PLA2G6: variants seen among roughly 807,000 people sequenced by gnomAD.
PLA2G6 encodes the protein 85/88 kDa calcium-independent phospholipase A2.
Under a neutral mutation model 83.8 loss-of-function variants are expected in PLA2G6, and 62 were observed. The observed-to-expected ratio is 0.74, with a 90% CI of 0.60 to 0.91. The LOEUF (loss-of-function observed/expected upper bound fraction) is 0.91. PLA2G6 is among the 40% of genes least tolerant of loss of function. PLA2G6 has a pLI of 0.00. For synonymous variants in PLA2G6, 417 were observed against 449.8 expected, an observed-to-expected ratio of 0.93 and a Z score of 0.92; for missense variants, 944 against 1,102.0, an observed-to-expected ratio of 0.86 and a Z score of 2.03.
intron 12 of PLA2G6, among the ~76,000 whole-genome samples, chr22:38,117,479 G>A (rs534307529): frequency 6.6e-6 from 1 of 152,242 alleles, no homozygotes; most frequent in Non-Finnish European, 1.5e-5. Flanking sequence ...ACAAGCGTGA[G>A]CCACTGCGCC....
chr22:38,178,742 T>G (rs2090732516), intron 1 of PLA2G6, among the ~76,000 whole-genome samples: 1 of 152,064 alleles, frequency 6.6e-6, no homozygotes, highest in Admixed American at 6.5e-5. Context: ...GGCGTGCACC[T>G]GTAATTCCAG....
chr22:38,112,618 C>G lies in PLA2G6; in HGVS notation c.2203-41G>C, dbSNP rs11570763. ...CTTGGTGAGTGCCGGGCCCACACCCCGCCCGGCCCGCACCCCGCCCGGCCC... is the reference window on the plus strand; with the variant it reads ...CTTGGTGAGTGCCGGGCCCACACCCGGCCCGGCCCGCACCCCGCCCGGCCC... On this transcript the variant is annotated intron_variant, in intron 15 of 16. Transcript: ENST00000332509. 4,224 of 1,489,518 alleles carry G rather than the reference C, an allele frequency of 2.8e-3. 105 individuals are homozygous for G. The African/African-American group carries it at 0.051, about 18-fold the overall frequency. 92.3% of individuals were successfully genotyped at this position (1,489,518 alleles called of 1,614,324 possible).
rs564193370 is a variant in PLA2G6, at chr22:38,162,267, T to C, written c.209+6951A>G. Among the ~76,000 whole-genome samples, 121 of 146,774 alleles carry C rather than the reference T, an allele frequency of 8.2e-4. 4 individuals carry two copies. The highest frequency in any genetic ancestry group is 7.5e-5 in the Non-Finnish European group (5 of 66,904). On this transcript the variant is annotated intron_variant, in intron 2 of 16. Transcript: ENST00000332509. ...AGTGAGAGCAGTCAGCAAAAAGGTA[T>C]GTTCCCCTAGCCATGGTGGAGAACT...
At chr22:38,162,679 G>C (rs868360263) in intron 2 of PLA2G6, among the ~76,000 whole-genome samples, 4 of 152,160 alleles carry the variant, frequency 2.6e-5, no homozygotes, top group Admixed American at 2.0e-4. Flanking sequence ...TTGAGGATGT[G>C]GGGGAGCACC....
At chr22:38,148,649 C>A in intron 2 of PLA2G6, 1 of 685,508 alleles carries the variant, frequency 1.5e-6, no homozygotes. Context: ...CCCTGATGAA[C>A]ATCTCTTACT....
In PLA2G6 at chr22:38,175,575, A is replaced by T. The variant is rs542283447; in HGVS notation, c.-46+6089T>A. ...TCCATCAGCGTAGCCCATCCTCCCCACTTTCTTAACCTGAATGTGTGCTCC... is the reference window on the plus strand; with the variant it reads ...TCCATCAGCGTAGCCCATCCTCCCCTCTTTCTTAACCTGAATGTGTGCTCC... On this transcript the variant is annotated intron_variant, in intron 1 of 16. Coordinates refer to ENST00000332509, the MANE Select transcript of PLA2G6 (RefSeq NM_003560.4). 5.9e-5 allele frequency among the ~76,000 whole-genome samples: 9 copies of T among 152,152 alleles called. 1 individual carries two copies. The South Asian group carries it at 1.9e-3, about 32-fold the overall frequency.
chr22:38,158,019 G>C (rs1602230167), intron 2 of PLA2G6, among the ~76,000 whole-genome samples: 1 of 151,732 alleles, frequency 6.6e-6, no homozygotes, highest in South Asian at 2.1e-4. Flanking sequence ...CTGGGCAACA[G>C]AGCGACACCC....
intron 1 of PLA2G6, among the ~76,000 whole-genome samples, chr22:38,171,094 C>G (rs1004342410): frequency 6.6e-6 from 1 of 151,438 alleles, no homozygotes; most frequent in Non-Finnish European, 1.5e-5. Flanking sequence ...ATCGCTTGAA[C>G]CTGGGAGGCG....
Position 38,132,871 on chromosome 22 carries a change from C to A in PLA2G6, c.1037G>T (p.Arg346Leu). ...LLTHGANADA[R>L]GEHGNTPLHL... ...CAGCGGGGTGTTGCCGTGCTCTCCGCGGGCATCCGCGTTGGCCCCGTGGGT... is the reference window on the plus strand; with the variant it reads ...CAGCGGGGTGTTGCCGTGCTCTCCGAGGGCATCCGCGTTGGCCCCGTGGGT... Residue 346 changes from arginine to leucine, a missense_variant, in exon 7 of 17, where the codon CGC (arginine) becomes CTC (leucine). Coordinates refer to ENST00000332509, the MANE Select transcript of PLA2G6 (RefSeq NM_003560.4). The surrounding 1 kb of genome is among the most constrained non-coding windows in gnomAD (Gnocchi z 5.0). 6.4e-7 allele frequency: 1 copy of A among 1,552,734 alleles called. No homozygotes were observed. Among genetic ancestry groups the A allele is most frequent in the Non-Finnish European group, 8.7e-7 (1 of 1,149,302 alleles).
chr22:38,133,170 G>C, intron 6 of PLA2G6, 157 bp from the exon 7 acceptor site: 3 of 711,468 alleles, frequency 4.2e-6, no homozygotes, highest in South Asian at 3.4e-5. Context: ...CCCAGTTCTA[G>C]GGGGGCCTAG....
chr22:38,145,767 G>A (rs1209213441), intron 2 of PLA2G6, 114 bp from the exon 3 acceptor site: 23 of 604,142 alleles, frequency 3.8e-5, no homozygotes, highest in Non-Finnish European at 5.0e-5. Context: ...GCTCCAGCCC[G>A]ACTCCCCTCC....
At position 38,115,072 on chromosome 22, in the gene PLA2G6, C is replaced by T. The variant is rs989854585; in HGVS notation, c.2034+455G>A. On this transcript the variant is annotated intron_variant, in intron 14 of 16. Coordinates refer to ENST00000332509, the MANE Select transcript of PLA2G6 (RefSeq NM_003560.4). ...CACTGATTCTGCACTGCTCTGTCCC[C>T]AAGGGCCTCAGGATGGGTCCCCTGT... 7.9e-5 allele frequency among the ~76,000 whole-genome samples: 12 copies of T among 152,254 alleles called. No individual in the cohort carries two copies. The South Asian group carries it at 1.9e-3, about 24-fold the overall frequency.
intron 2 of PLA2G6, among the ~76,000 whole-genome samples, chr22:38,159,754 AAGGAAGG>A (rs1248720517): frequency 6.7e-6 from 1 of 149,222 alleles, no homozygotes; most frequent in Non-Finnish European, 1.5e-5. Context: ...GGAAGGAAGG[AAGGAAGG>A]AGATCTTCAA....
chr22:38,153,679 T>C (rs59270368), intron 2 of PLA2G6, among the ~76,000 whole-genome samples: 3 of 151,094 alleles, frequency 2.0e-5, no homozygotes, highest in Non-Finnish European at 4.4e-5. Flanking sequence ...CTCCACCAAT[T>C]GTCCTCCCTG....
chr22:38,135,810 G>A (rs2088517545), intron 5 of PLA2G6: 1 of 152,252 alleles, frequency 6.6e-6, no homozygotes, highest in Non-Finnish European at 1.5e-5. Flanking sequence ...AACACTTTGG[G>A]AGGCTGAGGC....
At chr22:38,135,247 G>A (rs1019250307) in intron 5 of PLA2G6, 163 bp from the exon 6 acceptor site, 10 of 627,572 alleles carry the variant, frequency 1.6e-5, no homozygotes, top group East Asian at 2.8e-5. Context: ...GCTGTACTGA[G>A]CCCCTCAAGG....
At chr22:38,145,406 C>T (rs778877374) in intron 3 of PLA2G6, 32 bp downstream of exon 3, 40 of 1,544,118 alleles carry the variant, frequency 2.6e-5, no homozygotes, top group African/African-American at 2.6e-4. Flanking sequence ...GGTACACACA[C>T]GTTGTCCAAA....
At chr22:38,142,979 C>G (rs1223564222) in intron 4 of PLA2G6, 126 bp downstream of exon 4, 2 of 895,446 alleles carry the variant, frequency 2.2e-6, no homozygotes, top group African/African-American at 3.3e-5. Flanking sequence ...TGAAGGAGCT[C>G]AGGCCTCAAG....
At chr22:38,159,365 T>C (rs1468848625) in intron 2 of PLA2G6, among the ~76,000 whole-genome samples, 1 of 152,198 alleles carries the variant, frequency 6.6e-6, no homozygotes, top group Non-Finnish European at 1.5e-5. Context: ...AATCCATGTT[T>C]TAAAAGCTTC....
Sources: allele counts gnomAD v4.1 joint callset (sites outside exome capture counted in the v4.1 genomes callset), GRCh38; gene constraint gnomAD v4.1.1; non-coding constraint Gnocchi (gnomAD v3.1); transcripts MANE v1.5; gene names NCBI Gene and HGNC (gene_info 2026-07-23, HGNC 2026-07-21).